Variants in TNNI3K observed in about 807,000 individuals in gnomAD.
The protein encoded by TNNI3K is TNNI3 interacting kinase.
TNNI3K carries 140 observed loss-of-function variants against 114.5 expected under a neutral mutation model. The observed-to-expected ratio is 1.22, with a 90% CI of 1.07 to 1.41. TNNI3K has a LOEUF of 1.41. Ranked by LOEUF, TNNI3K falls within the 40% of genes most tolerant of loss-of-function variation. TNNI3K has a pLI of 0.00. For missense variants in TNNI3K, 1,125 were observed against 1,007.6 expected (o/e 1.12, Z -1.58); for synonymous variants, 347 against 347.5 (o/e 1.00, Z 0.02).
intron 17 of TNNI3K, among the ~76,000 whole-genome samples, chr1:74,388,286 T>A (rs6424588): frequency 1 from 150,552 of 151,260 alleles, 74,925 homozygotes; most frequent in Middle Eastern, 1. Context: ...ACAAAAAAAA[T>A]AATAATAATT....
At chr1:74,325,671 G>T (rs557589300) in intron 5 of TNNI3K, among the ~76,000 whole-genome samples, 1 of 152,154 alleles carries the variant, frequency 6.6e-6, no homozygotes, top group Admixed American at 6.5e-5. Flanking sequence ...ATTGTAGTGG[G>T]CTGAGGAGTG....
At chr1:74,465,644 C>T (rs954211050) in intron 21 of TNNI3K, among the ~76,000 whole-genome samples, 1 of 152,178 alleles carries the variant, frequency 6.6e-6, no homozygotes, top group Non-Finnish European at 1.5e-5. Context: ...GGAGTGCAGG[C>T]GCATGATGCA....
intron 9 of TNNI3K, among the ~76,000 whole-genome samples, chr1:74,344,614 C>A (rs554066622): frequency 6.6e-6 from 1 of 152,066 alleles, no homozygotes; most frequent in Non-Finnish European, 1.5e-5. Context: ...ATTCTCTTTC[C>A]GTTTAGGTCA....
chr1:74,411,489 T>C (rs1664877350), intron 17 of TNNI3K, among the ~76,000 whole-genome samples: 1 of 152,042 alleles, frequency 6.6e-6, no homozygotes, highest in African/African-American at 2.4e-5. Flanking sequence ...AACTATTTGG[T>C]GTACATTGAA....
chr1:74,449,915 T>C (rs1250358701), intron 20 of TNNI3K, among the ~76,000 whole-genome samples: 1 of 110,322 alleles, frequency 9.1e-6, no homozygotes, highest in African/African-American at 3.8e-5. Context: ...CTAATAGACA[T>C]CTACAGAACT....
At chr1:74,424,033 C>T (rs1423854614) in intron 17 of TNNI3K, among the ~76,000 whole-genome samples, 2 of 151,534 alleles carry the variant, frequency 1.3e-5, no homozygotes, top group Non-Finnish European at 2.9e-5. Flanking sequence ...TGCACACTAT[C>T]GAATTGAGTA....
intron 23 of TNNI3K, among the ~76,000 whole-genome samples, chr1:74,518,873 CCTTTTTT>C (rs1342017568): frequency 1.0e-5 from 1 of 100,358 alleles, no homozygotes; most frequent in Non-Finnish European, 1.8e-5. Flanking sequence ...TTTTTTTTCC[CCTTTTTT>C]TTTTTTTTTT....
At chr1:74,303,868 C>T (rs1416803247) in intron 5 of TNNI3K, among the ~76,000 whole-genome samples, 1 of 152,052 alleles carries the variant, frequency 6.6e-6, no homozygotes, top group East Asian at 1.9e-4. Flanking sequence ...AAGTTGATTC[C>T]AGCCCTCAAG....
chr1:74,508,435 A>T (rs974911344), intron 23 of TNNI3K, among the ~76,000 whole-genome samples: 3 of 152,224 alleles, frequency 2.0e-5, no homozygotes, highest in African/African-American at 7.2e-5. Flanking sequence ...GATGAGAAAA[A>T]ATAAAGTCCC....
chr1:74,314,854 T>A (rs1659221026), intron 5 of TNNI3K, among the ~76,000 whole-genome samples: 1 of 152,208 alleles, frequency 6.6e-6, no homozygotes, highest in Non-Finnish European at 1.5e-5. Context: ...GTTTACATTT[T>A]GCTAGAGCTT....
chr1:74,451,126 C>G (rs1189710919), intron 20 of TNNI3K, among the ~76,000 whole-genome samples: 1 of 152,092 alleles, frequency 6.6e-6, no homozygotes, highest in African/African-American at 2.4e-5. Context: ...AGCCATTATC[C>G]TCAGAAAACT....
At chr1:74,351,283 T>A (rs1661323789) in intron 9 of TNNI3K, among the ~76,000 whole-genome samples, 1 of 151,438 alleles carries the variant, frequency 6.6e-6, no homozygotes, top group South Asian at 2.1e-4. Context: ...TTAAGAATGT[T>A]GAATATTGGC....
chr1:74,318,104 G>T (rs1659417694), intron 5 of TNNI3K, among the ~76,000 whole-genome samples: 1 of 152,134 alleles, frequency 6.6e-6, no homozygotes, highest in African/African-American at 2.4e-5. Flanking sequence ...CAATTGTAGG[G>T]CTCATCGAAT....
intron 17 of TNNI3K, chr1:74,416,398 G>A: frequency 1.0e-6 from 1 of 972,644 alleles, no homozygotes; most frequent in Non-Finnish European, 1.2e-6. Flanking sequence ...CTAGCACAGA[G>A]CAACTGAAAA....
intron 13 of TNNI3K, 125 bp from the exon 14 acceptor site, chr1:74,368,897 G>T: frequency 1.2e-6 from 1 of 845,554 alleles, no homozygotes; most frequent in Non-Finnish European, 1.7e-6. Context: ...AATTACAGTT[G>T]GAAAATTAAA....
At chr1:74,483,373 C>A (rs1263248520) in intron 21 of TNNI3K, 2 of 717,116 alleles carry the variant, frequency 2.8e-6, no homozygotes, top group Middle Eastern at 2.3e-4. Flanking sequence ...ACCAGCCATC[C>A]ACCTGAAAGG....
chr1:74,400,697 A>ACC (rs1186145794), intron 17 of TNNI3K, among the ~76,000 whole-genome samples: 5 of 152,232 alleles, frequency 3.3e-5, no homozygotes, highest in Admixed American at 2.6e-4. Flanking sequence ...GGGAGGGGGC[A>ACC]GAGTTCAATA....
intron 1 of TNNI3K, 70 bp downstream of exon 1, chr1:74,235,561 A>G: frequency 1.2e-6 from 1 of 838,286 alleles, no homozygotes; most frequent in Non-Finnish European, 1.9e-6. Context: ...ATAACTAACA[A>G]CTCATTGGAA....
At chr1:74,258,934 A>G (rs1449702115) in intron 4 of TNNI3K, among the ~76,000 whole-genome samples, 2 of 152,330 alleles carry the variant, frequency 1.3e-5, no homozygotes, top group Non-Finnish European at 2.9e-5. Flanking sequence ...AGGAATTTTG[A>G]TGTAAACAAT....
Sources: allele counts gnomAD v4.1 joint callset (sites outside exome capture counted in the v4.1 genomes callset), GRCh38; gene constraint gnomAD v4.1.1; transcripts MANE v1.5; gene names NCBI Gene and HGNC (gene_info 2026-07-23, HGNC 2026-07-21).